The following VAT1L variants were observed in gnomAD, a reference collection of about 807,000 sequenced individuals.
VAT1L encodes vesicle amine transport 1 like.
In VAT1L, 34 loss-of-function variants were observed where a neutral mutation model predicts 44.1. The ratio of observed to expected loss-of-function variants is 0.77; its 90% CI spans 0.59 to 1.03. The LOEUF is 1.03. Ranked by LOEUF, VAT1L falls within the 50% of genes least tolerant of loss-of-function variation. The pLI is 0.00. For synonymous variants in VAT1L, 253 were observed against 202.2 expected (o/e 1.25, Z -2.13); for missense variants, 615 against 538.8 (o/e 1.14, Z -1.40).
At chr16:77,960,362 G>A (rs956956742) in intron 7 of VAT1L, among the ~76,000 whole-genome samples, 20 of 152,082 alleles carry the variant, frequency 1.3e-4, no homozygotes, top group African/African-American at 4.8e-4. Context: ...GGTTCTAAAG[G>A]TATCAGAGTT....
At chr16:77,812,112 C>T (rs941155367) in intron 1 of VAT1L, among the ~76,000 whole-genome samples, 125 of 148,430 alleles carry the variant, frequency 8.4e-4, no homozygotes, top group Admixed American at 8.3e-3. Context: ...GACAGAGTCT[C>T]GCTCTGCCAC....
chr16:77,976,993 CTG>C (rs776457197), intron 8 of VAT1L, among the ~76,000 whole-genome samples: 4 of 152,168 alleles, frequency 2.6e-5, no homozygotes, highest in Non-Finnish European at 4.4e-5. Context: ...CCTGGGGACT[CTG>C]TGCAGCTGAT....
intron 7 of VAT1L, among the ~76,000 whole-genome samples, chr16:77,916,962 G>A (rs1219711950): frequency 1.3e-5 from 2 of 152,130 alleles, no homozygotes; most frequent in Non-Finnish European, 2.9e-5. Context: ...AGTTCTAATA[G>A]ACATTGTTTT....
intron 7 of VAT1L, among the ~76,000 whole-genome samples, chr16:77,937,844 T>C (rs912151882): frequency 2.0e-5 from 3 of 152,160 alleles, no homozygotes; most frequent in Admixed American, 2.0e-4. Flanking sequence ...TGAAGCCCAC[T>C]AGTTGGGAAT....
chr16:77,813,076 T>C (rs1597174075), intron 1 of VAT1L, among the ~76,000 whole-genome samples: 1 of 152,092 alleles, frequency 6.6e-6, no homozygotes, highest in East Asian at 1.9e-4. Flanking sequence ...CCCAAAAACA[T>C]TCTAACTAAG....
chr16:77,852,230 G>T (rs1483096055), intron 3 of VAT1L, among the ~76,000 whole-genome samples: 1 of 152,210 alleles, frequency 6.6e-6, no homozygotes, highest in Non-Finnish European at 1.5e-5. Context: ...CAGAGGAGGG[G>T]CTGTCACTGG....
chr16:77,859,684 G>A lies in VAT1L; in HGVS notation c.580-3064G>A, dbSNP rs1288957634. Among the ~76,000 whole-genome samples the A allele has an allele frequency of 2.0e-5, 3 of 152,170 alleles. No individual in the cohort carries two copies. In the East Asian group the frequency reaches 5.8e-4, roughly 29 times the overall value. On this transcript the variant is annotated intron_variant, in intron 3 of 8. Transcript: ENST00000302536. ...GAAATGTGATGATCCAGACTAAGAA[G>A]AGACAGTTATAAGAGCTGTCGAGGA...
At chr16:77,973,473 T>C (rs2018302111) in intron 8 of VAT1L, among the ~76,000 whole-genome samples, 1 of 151,928 alleles carries the variant, frequency 6.6e-6, no homozygotes, top group Admixed American at 6.6e-5. Context: ...TTAGTAGAGA[T>C]GGGGTTTTAC....
At chr16:77,812,372 C>T (rs553884747) in intron 1 of VAT1L, among the ~76,000 whole-genome samples, 6 of 152,296 alleles carry the variant, frequency 3.9e-5, no homozygotes, top group East Asian at 3.9e-4. Context: ...CATGCCCTGC[C>T]GTTCCCGAAT....
chr16:77,976,372 A>T (rs1381474632), intron 8 of VAT1L, among the ~76,000 whole-genome samples: 5 of 152,200 alleles, frequency 3.3e-5, no homozygotes, highest in African/African-American at 9.7e-5. Flanking sequence ...CCCTAAAGGA[A>T]ACATAGGTAT....
chr16:77,857,885 G>C (rs1417925818), intron 3 of VAT1L, among the ~76,000 whole-genome samples: 1 of 147,740 alleles, frequency 6.8e-6, no homozygotes, highest in Admixed American at 6.8e-5. Flanking sequence ...AATAGAAATA[G>C]TGAAGTTCTG....
intron 1 of VAT1L, 90 bp from the exon 2 acceptor site, chr16:77,816,831 G>T: frequency 6.9e-7 from 1 of 1,446,986 alleles, no homozygotes; most frequent in Non-Finnish European, 9.2e-7. Context: ...GAGGAAAGGA[G>T]GAAAAGAAAA....
chr16:77,902,972 GAAAAAAAA>G (rs11307214), intron 7 of VAT1L, among the ~76,000 whole-genome samples: 4 of 96,394 alleles, frequency 4.1e-5, no homozygotes, highest in Admixed American at 1.1e-4. Flanking sequence ...GACTCTGTCT[GAAAAAAAA>G]AAAAAAAAAA....
At chr16:77,887,082 T>C (rs1394890513) in intron 7 of VAT1L, among the ~76,000 whole-genome samples, 3 of 152,158 alleles carry the variant, frequency 2.0e-5, no homozygotes, top group African/African-American at 7.2e-5. Flanking sequence ...TTTCTCTCAA[T>C]AGGTATCATT....
intron 7 of VAT1L, among the ~76,000 whole-genome samples, chr16:77,915,522 G>A (rs2017543017): frequency 2.0e-5 from 3 of 151,990 alleles, no homozygotes; most frequent in Middle Eastern, 3.4e-3. Flanking sequence ...GTCACAGAAG[G>A]CCTGTGAGTT....
At chr16:77,930,328 G>T (rs1248629563) in intron 7 of VAT1L, among the ~76,000 whole-genome samples, 1 of 152,138 alleles carries the variant, frequency 6.6e-6, no homozygotes, top group Non-Finnish European at 1.5e-5. Context: ...ATGTTCTTTG[G>T]GGGGACATGG....
At chr16:77,838,962 A>G (rs1021833217) in intron 3 of VAT1L, among the ~76,000 whole-genome samples, 10 of 151,918 alleles carry the variant, frequency 6.6e-5, no homozygotes, top group African/African-American at 2.2e-4. Flanking sequence ...TGGGTATTCC[A>G]TAGTGAGCAA....
chr16:77,969,590 G>C (rs1462671221), intron 7 of VAT1L, among the ~76,000 whole-genome samples: 1 of 152,098 alleles, frequency 6.6e-6, no homozygotes, highest in Non-Finnish European at 1.5e-5. Flanking sequence ...AAGAGTTAGA[G>C]AAAGAGGGAC....
At chr16:77,882,590 T>G (rs2017166850) in intron 6 of VAT1L, among the ~76,000 whole-genome samples, 2 of 152,214 alleles carry the variant, frequency 1.3e-5, no homozygotes, top group African/African-American at 4.8e-5. Context: ...AGTTAAGAGA[T>G]TTGCCTAAAG....
Sources: gnomAD v4.1 joint callset for allele counts (sites outside exome capture counted in the v4.1 genomes callset) on GRCh38, gnomAD v4.1.1 for gene constraint, MANE v1.5 for transcripts, NCBI Gene and HGNC (gene_info 2026-07-23, HGNC 2026-07-21) for gene names.